Variants in USP4 observed in about 807,000 individuals in gnomAD.
The protein encoded by USP4 is ubiquitin carboxyl-terminal hydrolase 4.
USP4 carries 72 observed loss-of-function variants against 118.2 expected under a neutral mutation model. The ratio of observed to expected loss-of-function variants is 0.61; its 90% confidence interval spans 0.50 to 0.74. The LOEUF (loss-of-function observed/expected upper bound fraction) is 0.74, where lower values mean the gene tolerates loss of function less well. Ranked by LOEUF, USP4 falls within the 30% of genes least tolerant of loss-of-function variation. The pLI, the probability that USP4 is intolerant of heterozygous loss-of-function variation, is 0.00. For missense variants in USP4, 1,037 were observed against 1,185.7 expected (o/e 0.87, Z 1.84); for synonymous variants, 415 against 440.4 (o/e 0.94, Z 0.72).
Position 49,291,587 on chromosome 3 carries a change from A to G in USP4, c.1972+923T>C, listed in dbSNP as rs1023057936. Among the ~76,000 whole-genome samples the G allele has an allele frequency of 6.6e-5, 10 of 151,438 alleles. No individual in the cohort carries two copies. In the South Asian group the frequency reaches 8.3e-4, roughly 13 times the overall value. On this transcript the variant is annotated intron_variant, in intron 15 of 21. Transcript: ENST00000265560. ...AGATTCCGTCTCAAAAAAAAAAAAA[A>G]AAAGAAAGAAAGAAAAAGAAAAGAA... is the stretch of plus-strand genomic sequence containing the variant.
intron 1 of USP4, among the ~76,000 whole-genome samples, chr3:49,337,255 G>A (rs2107807891): frequency 6.6e-6 from 1 of 151,796 alleles, no homozygotes; most frequent in East Asian, 1.9e-4. Flanking sequence ...TCTAGCCTGG[G>A]TGACAGGAAT....
At chr3:49,289,969 G>T (rs941307459) in intron 15 of USP4, among the ~76,000 whole-genome samples, 1 of 152,004 alleles carries the variant, frequency 6.6e-6, no homozygotes, top group African/African-American at 2.4e-5. Context: ...AAAAGAAAAA[G>T]AAATTAGCTG....
rs200375497 is a variant in USP4 at position 49,305,779 on chromosome 3, T to A, written c.1064A>T (p.Tyr355Phe). 6.2e-7 allele frequency: 1 copy of A among 1,614,122 alleles called. No homozygotes were observed. Among genetic ancestry groups the A allele is most frequent in the South Asian group, 1.1e-5 (1 of 91,058 alleles). The part of the protein sequence containing the change: ...LGMKGEIAEA[Y>F]AELIKQMWSG... ...CCACATCTGCTTAATGAGTTCAGCA[T>A]AGGCTTCTGCAATTTCCCCTTTCAT... Residue 355 changes from tyrosine (Y) to phenylalanine (F), a missense_variant, in exon 9 of 22, where the codon TAT (tyrosine) becomes TTT (phenylalanine). Transcript: ENST00000265560.
At chr3:49,281,821 G>C (rs2047033665) in intron 19 of USP4, among the ~76,000 whole-genome samples, 1 of 151,584 alleles carries the variant, frequency 6.6e-6, no homozygotes, top group African/African-American at 2.4e-5. Flanking sequence ...GACCATCCTG[G>C]CCAACATGGT....
At chr3:49,338,921 G>C (rs1037845808) in intron 1 of USP4, among the ~76,000 whole-genome samples, 37 of 152,136 alleles carry the variant, frequency 2.4e-4, no homozygotes, top group Non-Finnish European at 8.8e-5. Flanking sequence ...GCCGAGGCGG[G>C]TGGATCATAA....
At chr3:49,309,966 T>TTTTTTTTTTTTTA (rs55835824) in intron 8 of USP4, among the ~76,000 whole-genome samples, 2 of 122,768 alleles carry the variant, frequency 1.6e-5, no homozygotes, top group Admixed American at 8.6e-5. Context: ...TTTTTTTTTT[T>TTTTTTTTTTTTTA]GAGACAGAGT....
chr3:49,308,703 A>G (rs2047347223), intron 8 of USP4, among the ~76,000 whole-genome samples: 1 of 151,612 alleles, frequency 6.6e-6, no homozygotes. Context: ...GCAGTACTCC[A>G]TATGCATCAT....
At chr3:49,301,551 G>A (rs1450328641) in intron 10 of USP4, among the ~76,000 whole-genome samples, 1 of 152,094 alleles carries the variant, frequency 6.6e-6, no homozygotes, top group Non-Finnish European at 1.5e-5. Context: ...TGCTGGGCAT[G>A]GTGGCACGTG....
intron 13 of USP4, among the ~76,000 whole-genome samples, chr3:49,295,903 T>C (rs1277264383): frequency 1.3e-5 from 2 of 152,188 alleles, no homozygotes; most frequent in East Asian, 3.8e-4. Flanking sequence ...CAGGTCCACA[T>C]TGCCATTTTC....
chr3:49,282,605 T>A lies in USP4; in HGVS notation c.2540+1382A>T, dbSNP rs563271003. ...ATAAAGAATTTTTACAACAAATACT[T>A]ATTATCCATCACCTGGCGTCTCCTG... is the stretch of plus-strand genomic sequence containing the variant. On this transcript the variant is annotated intron_variant, in intron 19 of 21. Coordinates refer to ENST00000265560, the MANE Select transcript of USP4 (RefSeq NM_003363.4). 1.5e-4 allele frequency among the ~76,000 whole-genome samples: 23 copies of A among 151,872 alleles called. No homozygotes were observed. The South Asian group carries it at 2.5e-3, about 16-fold the overall frequency.
chr3:49,328,822 G>A (rs1214313920), intron 2 of USP4, among the ~76,000 whole-genome samples: 2 of 151,800 alleles, frequency 1.3e-5, no homozygotes, highest in Non-Finnish European at 2.9e-5. Context: ...ATACCCCACT[G>A]TACTCCAGCC....
At chr3:49,312,315 C>A (rs2047391203) in intron 6 of USP4, 3 of 352,220 alleles carry the variant, frequency 8.5e-6, no homozygotes, top group Non-Finnish European at 1.7e-5. Flanking sequence ...ACAGTGAAAC[C>A]ACATCTCTAC....
rs1302039374 is a variant in USP4 at position 49,277,947 on chromosome 3, G to T, written c.*346C>A. ...CGCTCAGGGCAGCCCTGCAGGTGGG[G>T]TGGGTCTCCAGGCTGCTCCATACTC... On this transcript the variant is annotated 3_prime_UTR_variant, in exon 22 of 22. Transcript: ENST00000265560. The T allele has an allele frequency of 4.9e-6, 2 of 410,104 alleles. No individual in the cohort carries two copies. The highest frequency in any genetic ancestry group is 8.5e-6 in the Non-Finnish European group (2 of 234,176). The allele number at this position is 410,104 out of a possible 1,614,324, so 25.4% of individuals were successfully genotyped here.
chr3:49,305,154 G>C (rs1374453209), intron 9 of USP4, among the ~76,000 whole-genome samples: 1 of 150,242 alleles, frequency 6.7e-6, no homozygotes, highest in African/African-American at 2.4e-5. Flanking sequence ...CTCACTGCAA[G>C]CTCTGCCTCC....
intron 5 of USP4, 32 bp downstream of exon 5, chr3:49,324,862 T>C: frequency 6.2e-7 from 1 of 1,614,038 alleles, no homozygotes; most frequent in Non-Finnish European, 8.5e-7. Flanking sequence ...TGGGCAGAGC[T>C]ACCTGCTGGG....
chr3:49,329,240 A>C (rs2047588731), intron 2 of USP4, among the ~76,000 whole-genome samples: 1 of 152,166 alleles, frequency 6.6e-6, no homozygotes, highest in Non-Finnish European at 1.5e-5. Flanking sequence ...TTCAGGCTTC[A>C]CTTCTAATTC....
chr3:49,287,373 C>T (rs538789390), intron 15 of USP4, among the ~76,000 whole-genome samples: 11 of 152,170 alleles, frequency 7.2e-5, no homozygotes, highest in Admixed American at 5.9e-4. Context: ...CCAGGATGGT[C>T]TCTAGCTCCT....
intron 1 of USP4, among the ~76,000 whole-genome samples, chr3:49,335,939 C>A (rs1156272830): frequency 6.6e-6 from 1 of 152,124 alleles, no homozygotes; most frequent in African/African-American, 2.4e-5. Context: ...TCTTGGCTCA[C>A]TGCAACCTCT....
chr3:49,285,761 AAATATGCGCTTATTCTTAT>A, intron 16 of USP4, among the ~76,000 whole-genome samples: 1 of 152,332 alleles, frequency 6.6e-6, no homozygotes, highest in South Asian at 2.1e-4. Flanking sequence ...TGAACAAAAT[AAATATGCGCTTATTCTTAT>A]AAGTGAGCAA....
Sources: gnomAD v4.1 joint callset for allele counts (sites outside exome capture counted in the v4.1 genomes callset) on GRCh38, gnomAD v4.1.1 for gene constraint, MANE v1.5 for transcripts, NCBI Gene and HGNC (gene_info 2026-07-23, HGNC 2026-07-21) for gene names.